The following TAF3 variants were observed in gnomAD, a reference collection of about 807,000 sequenced individuals.
The protein encoded by TAF3 is TATA-box binding protein associated factor 3, also known as transcription initiation factor TFIID subunit 3.
TAF3 carries 7 observed loss-of-function variants against 80.6 expected under a neutral mutation model. The observed-to-expected ratio is 0.09, with a 90% CI of 0.05 to 0.16. The LOEUF is 0.16. TAF3 is among the 10% of genes least tolerant of loss of function. TAF3 has a pLI of 1.00. For missense variants in TAF3, 921 were observed against 1,140.2 expected, an observed-to-expected ratio of 0.81 and a Z score of 2.77; for synonymous variants, 444 against 446.1, an observed-to-expected ratio of 1.00 and a Z score of 0.06.
intron 5 of TAF3, among the ~76,000 whole-genome samples, chr10:8,011,141 A>G (rs1015060495): frequency 2.6e-5 from 4 of 152,216 alleles, no homozygotes; most frequent in Admixed American, 1.3e-4. Flanking sequence ...GTGTTAGCCT[A>G]CTGGTGGCCC....
At chr10:7,961,179 A>G (rs182064547) in intron 2 of TAF3, among the ~76,000 whole-genome samples, 12 of 152,324 alleles carry the variant, frequency 7.9e-5, no homozygotes, top group African/African-American at 2.9e-4. Flanking sequence ...AGCACATGAA[A>G]GCAAACAGAG....
At chr10:7,823,109 T>C (rs1469883748) in intron 1 of TAF3, among the ~76,000 whole-genome samples, 6 of 151,972 alleles carry the variant, frequency 3.9e-5, no homozygotes, top group Non-Finnish European at 7.4e-5. Flanking sequence ...TGAGACCCTG[T>C]CTCAAAAAAC....
At chr10:7,881,850 A>G (rs984398607) in intron 2 of TAF3, among the ~76,000 whole-genome samples, 1 of 152,206 alleles carries the variant, frequency 6.6e-6, no homozygotes, top group Non-Finnish European at 1.5e-5. Context: ...TAGTTAACGC[A>G]TTAAAAAGAA....
At chr10:7,860,087 A>G (rs1261955501) in intron 2 of TAF3, among the ~76,000 whole-genome samples, 6 of 152,110 alleles carry the variant, frequency 3.9e-5, no homozygotes, top group Non-Finnish European at 8.8e-5. Flanking sequence ...TGTGGGCAAC[A>G]TGGCCAAACC....
At chr10:7,839,706 T>A (rs892199795) in intron 2 of TAF3, among the ~76,000 whole-genome samples, 9 of 152,232 alleles carry the variant, frequency 5.9e-5, no homozygotes, top group Non-Finnish European at 1.3e-4. Context: ...TTTTTTTAAT[T>A]GTGTTTTGTT....
chr10:7,879,010 A>G (rs2151014), intron 2 of TAF3, among the ~76,000 whole-genome samples: 30,430 of 151,994 alleles, frequency 0.2, 3,159 homozygotes, highest in East Asian at 0.3. Context: ...TTACAGGCAT[A>G]AGTCACCGCG....
intron 1 of TAF3, among the ~76,000 whole-genome samples, chr10:7,821,784 G>T (rs1323333543): frequency 6.6e-6 from 1 of 152,166 alleles, no homozygotes; most frequent in Non-Finnish European, 1.5e-5. Context: ...GGGATAAGAG[G>T]AGAGATGGCT....
intron 2 of TAF3, among the ~76,000 whole-genome samples, chr10:7,915,401 T>C (rs1430492863): frequency 1.9e-4 from 28 of 148,526 alleles, no homozygotes; most frequent in African/African-American, 6.9e-4. Context: ...TCCCAGCACT[T>C]TGGGAGGCCG....
chr10:7,859,260 CAATAAATAAATA>C (rs145110594), intron 2 of TAF3, among the ~76,000 whole-genome samples: 28,852 of 134,072 alleles, frequency 0.22, 3,175 homozygotes, highest in Non-Finnish European at 0.24. Flanking sequence ...GACTCCATCT[CAATAAATAAATA>C]AATAAATAAA....
intron 2 of TAF3, among the ~76,000 whole-genome samples, chr10:7,890,445 G>A (rs1304346995): frequency 6.6e-6 from 1 of 152,102 alleles, no homozygotes; most frequent in African/African-American, 2.4e-5. Context: ...TATTAGAGTT[G>A]GTTAATCGCA....
At chr10:7,844,272 G>A (rs749625142) in intron 2 of TAF3, among the ~76,000 whole-genome samples, 2 of 151,352 alleles carry the variant, frequency 1.3e-5, no homozygotes, top group Non-Finnish European at 2.9e-5. Context: ...TTCCTTCCAT[G>A]TTTTGATTTT....
chr10:7,827,785 A>AC (rs1479484206), intron 2 of TAF3, among the ~76,000 whole-genome samples: 16 of 150,570 alleles, frequency 1.1e-4, no homozygotes, highest in African/African-American at 3.9e-4. Flanking sequence ...GTCTCAAAAA[A>AC]AAAAAAAAAA....
At chr10:7,887,362 T>G (rs1344958211) in intron 2 of TAF3, among the ~76,000 whole-genome samples, 6 of 152,186 alleles carry the variant, frequency 3.9e-5, no homozygotes, top group African/African-American at 1.4e-4. Context: ...GAACCCAGCT[T>G]GAAATGTTGC....
chr10:7,969,946 A>G (rs1033020975), intron 3 of TAF3, among the ~76,000 whole-genome samples: 2 of 152,230 alleles, frequency 1.3e-5, no homozygotes, highest in Non-Finnish European at 2.9e-5. Context: ...AGACAGCAGC[A>G]TTCTAAAGTT....
chr10:7,853,105 C>T (rs1049722348), intron 2 of TAF3, among the ~76,000 whole-genome samples: 3 of 152,002 alleles, frequency 2.0e-5, no homozygotes, highest in African/African-American at 7.2e-5. Context: ...AGTGAGTTGG[C>T]AAATGTTGTT....
chr10:7,826,013 T>A (rs1398663007), intron 2 of TAF3, among the ~76,000 whole-genome samples: 1 of 152,236 alleles, frequency 6.6e-6, no homozygotes, highest in South Asian at 2.1e-4. Flanking sequence ...TAGAATCGGT[T>A]CTACTTTAAT....
intron 2 of TAF3, among the ~76,000 whole-genome samples, chr10:7,885,326 G>T (rs1837400164): frequency 6.6e-6 from 1 of 151,950 alleles, no homozygotes. Context: ...AGTGTAGTTA[G>T]TGAGGTTATT....
chr10:7,905,049 C>CA (rs971645511), intron 2 of TAF3, among the ~76,000 whole-genome samples: 2 of 151,988 alleles, frequency 1.3e-5, no homozygotes, highest in African/African-American at 2.4e-5. Context: ...GTGGAAAAAC[C>CA]AAAGATAGAC....
At chr10:7,947,967 A>G (rs973547527) in intron 2 of TAF3, among the ~76,000 whole-genome samples, 3 of 151,718 alleles carry the variant, frequency 2.0e-5, no homozygotes, top group Non-Finnish European at 2.9e-5. Flanking sequence ...TCACAATTCT[A>G]TGTTGACGCA....
Sources: allele counts gnomAD v4.1 joint callset (sites outside exome capture counted in the v4.1 genomes callset), GRCh38; gene constraint gnomAD v4.1.1; transcripts MANE v1.5; gene names NCBI Gene and HGNC (gene_info 2026-07-23, HGNC 2026-07-21).